The following DNAAF11 variants were observed in gnomAD, a reference collection of about 807,000 sequenced individuals.
The protein encoded by DNAAF11 is dynein axonemal assembly factor 11, also known as leucine rich repeat containing 6.
Under a neutral mutation model 60.8 loss-of-function variants are expected in DNAAF11, and 45 were observed. The observed-to-expected ratio is 0.74, with a 90% confidence interval of 0.58 to 0.95. The LOEUF (loss-of-function observed/expected upper bound fraction) is 0.95, where lower values mean the gene tolerates loss of function less well. DNAAF11 is among the 40% of genes least tolerant of loss of function. The probability of loss-of-function intolerance (pLI) is 0.00; values close to 1 mark genes in which losing one functional copy is unlikely to be tolerated. For missense variants in DNAAF11, 546 were observed against 546.2 expected (o/e 1.00, Z 0.00); for synonymous variants, 191 against 183.5 (o/e 1.04, Z -0.33).
intron 3 of DNAAF11, among the ~76,000 whole-genome samples, chr8:132,645,687 T>G (rs1276363327): frequency 6.6e-6 from 1 of 151,802 alleles, no homozygotes; most frequent in East Asian, 1.9e-4. Context: ...GAGAACTAAG[T>G]GATGCATGTA....
rs397514596 is a variant in DNAAF11 at position 132,656,866 on chromosome 8, C to G, written c.220G>C (p.Ala74Pro). Residue 74 changes from alanine to proline, a missense_variant, in exon 3 of 12, where the codon GCT becomes CCT. Physicochemically the swap from Ala to Pro is conservative, Grantham distance 27 (BLOSUM62 -1). Coordinates refer to ENST00000620350, the MANE Select transcript of DNAAF11 (RefSeq NM_012472.6). ...KLKKLEYLNL[A>P]LNNIEKIENL... is the part of the protein sequence containing the mutation. Reference sequence around the variant, plus strand: ...TCTATTTTTTCAATGTTGTTTAAAGCTAAATTCAAATATTCAAGTTTCTTG... The same window carrying G: ...TCTATTTTTTCAATGTTGTTTAAAGGTAAATTCAAATATTCAAGTTTCTTG... The G allele has an allele frequency of 2.2e-5, 31 of 1,380,430 alleles. No homozygotes were observed. Among genetic ancestry groups the G allele is most frequent in the Non-Finnish European group, 3.1e-5 (31 of 984,984 alleles). The allele number at this position is 1,380,430 out of a possible 1,614,324, so 85.5% of individuals were successfully genotyped here.
intron 7 of DNAAF11, among the ~76,000 whole-genome samples, chr8:132,617,311 G>T (rs1819268108): frequency 6.6e-6 from 1 of 152,096 alleles, no homozygotes; most frequent in Non-Finnish European, 1.5e-5. Context: ...AAAATCAAAA[G>T]GATCTGTCAA....
At chr8:132,580,044 A>T (rs955351677) in intron 11 of DNAAF11, among the ~76,000 whole-genome samples, 1 of 152,122 alleles carries the variant, frequency 6.6e-6, no homozygotes, top group Non-Finnish European at 1.5e-5. Context: ...AAGGAAAAAA[A>T]AAAAAGCACG....
At position 132,631,525 on chromosome 8, in the gene DNAAF11, C is replaced by T. The variant is rs182261223; in HGVS notation, c.653+1215G>A. On this transcript the variant is annotated intron_variant, in intron 5 of 11. Coordinates refer to ENST00000620350, the MANE Select transcript of DNAAF11 (RefSeq NM_012472.6). ...AAGCTATAGAAAGGTATCATTCATG[C>T]TAAACACACATACTCAAACTACTAT... Among the ~76,000 whole-genome samples the T allele has an allele frequency of 2.6e-5, 4 of 152,238 alleles. No individual in the cohort carries two copies. In the East Asian group the frequency reaches 7.7e-4, roughly 29 times the overall value.
intron 4 of DNAAF11, among the ~76,000 whole-genome samples, chr8:132,634,690 A>G (rs1193256247): frequency 1.3e-5 from 2 of 149,780 alleles, no homozygotes; most frequent in African/African-American, 2.4e-5. Flanking sequence ...ATATTTATAT[A>G]TAACTAATAC....
intron 10 of DNAAF11, among the ~76,000 whole-genome samples, chr8:132,601,077 G>GA (rs1311525650): frequency 2.0e-5 from 3 of 151,708 alleles, no homozygotes; most frequent in Admixed American, 6.6e-5. Flanking sequence ...AAATTTACAA[G>GA]AAAAAATCAA....
intron 7 of DNAAF11, among the ~76,000 whole-genome samples, chr8:132,620,962 A>G (rs1819699429): frequency 6.6e-6 from 1 of 152,166 alleles, no homozygotes; most frequent in Non-Finnish European, 1.5e-5. Context: ...CATGTTTGAT[A>G]AAGTCATCAC....
intron 2 of DNAAF11, among the ~76,000 whole-genome samples, chr8:132,660,944 T>C (rs1023574840): frequency 2.0e-5 from 3 of 152,186 alleles, no homozygotes; most frequent in Non-Finnish European, 4.4e-5. Flanking sequence ...TATTTTTATC[T>C]TCATTGACCT....
intron 8 of DNAAF11, among the ~76,000 whole-genome samples, chr8:132,613,668 T>A (rs1167731415): frequency 6.6e-6 from 1 of 152,184 alleles, no homozygotes; most frequent in Non-Finnish European, 1.5e-5. Flanking sequence ...ATGGTTGAAA[T>A]GGTCGATTTT....
intron 3 of DNAAF11, among the ~76,000 whole-genome samples, chr8:132,648,037 C>G (rs994617310): frequency 6.6e-6 from 1 of 152,130 alleles, no homozygotes. Flanking sequence ...AATACCAAAG[C>G]CTGGCAGAGA....
At chr8:132,690,776 G>T in the DNAAF11 span, among the ~76,000 whole-genome samples, 1 of 152,100 alleles carries the variant, frequency 6.6e-6, no homozygotes, top group Non-Finnish European at 1.5e-5. Context: ...CAAAGTACTG[G>T]TTAAGTATTT....
chr8:132,687,831 G>A, the DNAAF11 span, among the ~76,000 whole-genome samples: 3 of 152,154 alleles, frequency 2.0e-5, no homozygotes, highest in African/African-American at 7.2e-5. Flanking sequence ...TTACCACAGA[G>A]CCCATTACAC....
At chr8:132,686,924 A>C in the DNAAF11 span, among the ~76,000 whole-genome samples, 31 of 152,158 alleles carry the variant, frequency 2.0e-4, no homozygotes, top group Non-Finnish European at 4.3e-4. Context: ...AGCATTGATC[A>C]CATTTGGCTT....
At chr8:132,597,889 A>C (rs924869883) in intron 10 of DNAAF11, among the ~76,000 whole-genome samples, 1 of 152,204 alleles carries the variant, frequency 6.6e-6, no homozygotes, top group Non-Finnish European at 1.5e-5. Context: ...AAGACTGCTA[A>C]GATACTGATA....
At chr8:132,600,405 A>C (rs1476028688) in intron 10 of DNAAF11, among the ~76,000 whole-genome samples, 11 of 152,246 alleles carry the variant, frequency 7.2e-5, no homozygotes, top group Non-Finnish European at 1.6e-4. Flanking sequence ...CTTTCTTCAC[A>C]GAATTGGAAA....
chr8:132,651,946 T>C (rs1823056968), intron 3 of DNAAF11, among the ~76,000 whole-genome samples: 2 of 152,202 alleles, frequency 1.3e-5, no homozygotes, highest in African/African-American at 4.8e-5. Flanking sequence ...AGGCCAGGTT[T>C]GATGACTTTG....
chr8:132,678,573 T>G (rs1215952968), upstream of DNAAF11, among the ~76,000 whole-genome samples: 1 of 151,950 alleles, frequency 6.6e-6, no homozygotes. Context: ...TTTATAGAGA[T>G]AAGGTCTCAC....
chr8:132,625,532 T>C (rs1249702082), intron 5 of DNAAF11, 78 bp from the exon 6 acceptor site: 2 of 1,062,724 alleles, frequency 1.9e-6, no homozygotes, highest in East Asian at 2.5e-5. Context: ...CTTTAATATC[T>C]ATACACTTTT....
chr8:132,638,252 T>G, intron 3 of DNAAF11, 145 bp from the exon 4 acceptor site: 1 of 621,072 alleles, frequency 1.6e-6, no homozygotes, highest in South Asian at 2.1e-5. Flanking sequence ...GAAGTGATTC[T>G]TCAGAAATAT....
Sources: gnomAD v4.1 joint callset for allele counts (sites outside exome capture counted in the v4.1 genomes callset) on GRCh38, gnomAD v4.1.1 for gene constraint, MANE v1.5 for transcripts, NCBI Gene and HGNC (gene_info 2026-07-23, HGNC 2026-07-21) for gene names.